Variants in CCDC7 observed in about 807,000 individuals in gnomAD.
The protein encoded by CCDC7 is coiled-coil domain-containing protein 7.
In CCDC7, 183 loss-of-function variants were observed where a neutral mutation model predicts 196.9. That is an observed-to-expected ratio of 0.93 (90% CI 0.82 to 1.05). The LOEUF (loss-of-function observed/expected upper bound fraction) is 1.05. CCDC7 is among the 50% of genes least tolerant of loss of function. The pLI is 0.00. For synonymous variants in CCDC7, 525 were observed against 484.6 expected, an observed-to-expected ratio of 1.08 and a Z score of -1.10; for missense variants, 1,540 against 1,482.2, an observed-to-expected ratio of 1.04 and a Z score of -0.64.
intron 22 of CCDC7, among the ~76,000 whole-genome samples, chr10:32,687,720 C>T (rs905504899): frequency 3.9e-5 from 6 of 152,090 alleles, no homozygotes; most frequent in African/African-American, 9.7e-5. Context: ...GAAATAGGGA[C>T]GTTGGTCTAA....
At chr10:32,851,774 TG>T (rs1269168829) in intron 39 of CCDC7, 32 bp from the exon 41 acceptor site, 6 of 1,582,184 alleles carry the variant, frequency 3.8e-6, no homozygotes, top group African/African-American at 1.4e-5. Flanking sequence ...TGTCATCTAT[TG>T]TATGGCTAAC....
chr10:32,451,764 C>A (rs1435594499), exon 1 of CCDC7: 1 of 1,614,082 alleles, frequency 6.2e-7, no homozygotes, highest in Non-Finnish European at 8.5e-7. Flanking sequence ...AAACATAATG[C>A]AAAATTAATT....
intron 18 of CCDC7, among the ~76,000 whole-genome samples, chr10:32,627,311 A>G (rs1032173244): frequency 7.9e-5 from 12 of 151,426 alleles, no homozygotes; most frequent in African/African-American, 2.9e-4. Context: ...TGTTCTCTTC[A>G]TTTCTGTTTT....
intron 18 of CCDC7, among the ~76,000 whole-genome samples, chr10:32,628,026 G>C (rs1213041046): frequency 6.6e-6 from 1 of 151,734 alleles, no homozygotes. Flanking sequence ...TAGTGGTCTA[G>C]TAAACCAAAA....
chr10:32,636,449 A>G (rs964309283), intron 20 of CCDC7, among the ~76,000 whole-genome samples: 31 of 152,074 alleles, frequency 2.0e-4, no homozygotes, highest in African/African-American at 1.7e-4. Flanking sequence ...TCACTGTTCA[A>G]TTCCCACCTA....
chr10:32,518,808 T>C (rs1013836301), intron 11 of CCDC7, among the ~76,000 whole-genome samples: 2 of 152,158 alleles, frequency 1.3e-5, no homozygotes, highest in African/African-American at 4.8e-5. Context: ...ATGCATTTTG[T>C]GGTATTTTCT....
chr10:32,806,189 C>G (rs773401231), intron 30 of CCDC7, among the ~76,000 whole-genome samples: 2 of 151,848 alleles, frequency 1.3e-5, no homozygotes, highest in East Asian at 3.9e-4. Context: ...AAAGAGTTTT[C>G]GGTAAAATAA....
At chr10:32,845,992 A>G in intron 36 of CCDC7, 33 bp downstream of exon 37, 1 of 1,471,756 alleles carries the variant, frequency 6.8e-7, no homozygotes, top group South Asian at 1.1e-5. Flanking sequence ...TCTAATATTT[A>G]GGCTTATTTA....
At chr10:32,698,850 A>G (rs1442891954) in intron 24 of CCDC7, among the ~76,000 whole-genome samples, 2 of 152,190 alleles carry the variant, frequency 1.3e-5, no homozygotes, top group African/African-American at 2.4e-5. Flanking sequence ...GGAAACACAG[A>G]GAACGCCACA....
chr10:32,498,217 CT>C (rs1299543452), intron 9 of CCDC7, among the ~76,000 whole-genome samples: 1 of 151,768 alleles, frequency 6.6e-6, no homozygotes, highest in African/African-American at 2.4e-5. Context: ...GCAAACCCTG[CT>C]TTTTTTTGCT....
At chr10:32,818,340 A>G (rs1374753871) in intron 31 of CCDC7, among the ~76,000 whole-genome samples, 3 of 152,208 alleles carry the variant, frequency 2.0e-5, no homozygotes, top group Non-Finnish European at 4.4e-5. Flanking sequence ...TTATAAAGCA[A>G]GTCCTTAGAG....
At chr10:32,821,948 CTT>C (rs2090314668) in intron 31 of CCDC7, among the ~76,000 whole-genome samples, 1 of 150,942 alleles carries the variant, frequency 6.6e-6, no homozygotes, top group African/African-American at 2.4e-5. Flanking sequence ...TACCCTAAAA[CTT>C]AAAGTATAAC....
chr10:32,619,910 C>CTTTTTTTTTTTTTTTTT lies in CCDC7; in HGVS notation c.1802-14330_1802-14314dup, dbSNP rs56089046. On this transcript the variant is annotated intron_variant, in intron 18 of 41. Coordinates refer to ENST00000639629, the Ensembl canonical transcript of CCDC7. ...CACTGCTCCCAGCCCTTCAATGTAC[C>CTTTTTTTTTTTTTTTTT]TTTTTTTTTTTTTTTTTTTTTTTTT... 1.9e-4 allele frequency among the ~76,000 whole-genome samples: 15 copies of CTTTTTTTTTTTTTTTTT among 79,274 alleles called. 1 individual carries two copies. Among genetic ancestry groups the CTTTTTTTTTTTTTTTTT allele is most frequent in the African/African-American group, 7.2e-4 (11 of 15,306 alleles). 52.0% of individuals were successfully genotyped at this position (79,274 alleles called of 152,430 possible). A position where few individuals can be genotyped will look rare whatever the true frequency, so the allele number is the denominator to read the frequency against.
chr10:32,573,608 T>C (rs1010597152), intron 16 of CCDC7, among the ~76,000 whole-genome samples: 13 of 152,018 alleles, frequency 8.6e-5, no homozygotes, highest in African/African-American at 2.2e-4. Flanking sequence ...TAATGGGAAG[T>C]GATAGAATGG....
chr10:32,567,572 A>G, intron 14 of CCDC7, 98 bp from the exon 16 acceptor site: 1 of 1,349,398 alleles, frequency 7.4e-7, no homozygotes, highest in Non-Finnish European at 9.9e-7. Flanking sequence ...GAGTTGAGAA[A>G]TCATGTAGGC....
At chr10:32,538,744 A>T (rs1313083892) in intron 11 of CCDC7, among the ~76,000 whole-genome samples, 1 of 152,008 alleles carries the variant, frequency 6.6e-6, no homozygotes, top group Non-Finnish European at 1.5e-5. Context: ...AGATAATACT[A>T]TGGTTTTGGT....
chr10:32,469,221 A>G (rs909371546), intron 5 of CCDC7, among the ~76,000 whole-genome samples: 23 of 151,446 alleles, frequency 1.5e-4, no homozygotes, highest in African/African-American at 4.7e-4. Flanking sequence ...AGTTTAATAT[A>G]AAGAATTATT....
intron 13 of CCDC7, among the ~76,000 whole-genome samples, chr10:32,549,382 CTG>C (rs1427208773): frequency 3.9e-5 from 6 of 152,192 alleles, no homozygotes; most frequent in African/African-American, 1.4e-4. Flanking sequence ...ACTCTGCTGA[CTG>C]TTCCTTTTGC....
chr10:32,456,635 A>G (rs111344777), intron 3 of CCDC7, among the ~76,000 whole-genome samples: 24 of 152,140 alleles, frequency 1.6e-4, no homozygotes, highest in African/African-American at 5.8e-4. Context: ...TTCCCTCATT[A>G]AGAGCATGTA....
Sources: gnomAD v4.1 joint callset for allele counts (sites outside exome capture counted in the v4.1 genomes callset) on GRCh38, gnomAD v4.1.1 for gene constraint, MANE v1.5 for transcripts, NCBI Gene and HGNC (gene_info 2026-07-23, HGNC 2026-07-21) for gene names.